The following CCDC171 variants were observed in gnomAD, a reference collection of about 807,000 sequenced individuals.
The protein encoded by CCDC171 is coiled-coil domain containing 171.
A neutral mutation model predicts 168.2 loss-of-function variants in CCDC171; 177 were observed. The observed-to-expected ratio is 1.05, with a 90% CI of 0.93 to 1.19. CCDC171 has a LOEUF of 1.19. Among genes scored for constraint, CCDC171 ranks in the 50% most tolerant of loss-of-function variants. The pLI is 0.00. For synonymous variants in CCDC171, 687 were observed against 540.8 expected (o/e 1.27, Z -3.75); for missense variants, 1,991 against 1,539.0 (o/e 1.29, Z -4.91).
At chr9:15,591,957 A>G (rs2042035838) in intron 5 of CCDC171, among the ~76,000 whole-genome samples, 1 of 152,164 alleles carries the variant, frequency 6.6e-6, no homozygotes, top group Admixed American at 6.5e-5. Context: ...TTCATTATCT[A>G]TGTAGAGCAT....
the CCDC171 span, among the ~76,000 whole-genome samples, chr9:16,094,682 A>G: frequency 1.3e-5 from 2 of 152,212 alleles, no homozygotes; most frequent in Non-Finnish European, 2.9e-5. Context: ...CAGGAGATGT[A>G]GTTTCAATCC....
chr9:15,944,840 CTT>C (rs1828139340), intron 25 of CCDC171, among the ~76,000 whole-genome samples: 1 of 143,222 alleles, frequency 7.0e-6, no homozygotes, highest in Non-Finnish European at 1.5e-5. Flanking sequence ...TTTCTTTTTT[CTT>C]TCTTTCTTTC....
chr9:15,888,182 G>A (rs1819685487), intron 24 of CCDC171: 1 of 152,142 alleles, frequency 6.6e-6, no homozygotes, highest in Admixed American at 6.5e-5. Context: ...ATAAGAGAAG[G>A]TAACACATTT....
At chr9:15,949,104 C>G (rs1465050286) in intron 25 of CCDC171, among the ~76,000 whole-genome samples, 1 of 151,990 alleles carries the variant, frequency 6.6e-6, no homozygotes, top group Non-Finnish European at 1.5e-5. Flanking sequence ...GCTTGTTTTT[C>G]TCAGGTTTGT....
At chr9:15,926,692 A>T (rs1026074318) in intron 25 of CCDC171, among the ~76,000 whole-genome samples, 8 of 151,620 alleles carry the variant, frequency 5.3e-5, no homozygotes, top group African/African-American at 1.9e-4. Context: ...AAATTCCCAC[A>T]TTGTAGTGTT....
chr9:15,620,541 G>A (rs1269007947), intron 6 of CCDC171, among the ~76,000 whole-genome samples: 5 of 152,196 alleles, frequency 3.3e-5, no homozygotes, highest in African/African-American at 1.2e-4. Context: ...AATGGGTGAG[G>A]AGTTGCTTCT....
intron 6 of CCDC171, among the ~76,000 whole-genome samples, chr9:16,024,856 G>A (rs148075242): frequency 6.6e-6 from 1 of 152,332 alleles, no homozygotes; most frequent in East Asian, 1.9e-4. Context: ...AGTATCCTGG[G>A]AAGCCCAGCC....
intron 7 of CCDC171, among the ~76,000 whole-genome samples, chr9:15,634,692 C>G (rs192839039): frequency 6.6e-6 from 1 of 152,132 alleles, no homozygotes; most frequent in Non-Finnish European, 1.5e-5. Context: ...TTGAAGTGTA[C>G]AATTCAGTGG....
chr9:16,003,419 A>G (rs1235487517), intron 3 of CCDC171, among the ~76,000 whole-genome samples: 4 of 152,188 alleles, frequency 2.6e-5, no homozygotes, highest in Non-Finnish European at 5.9e-5. Context: ...GGAAATTTGC[A>G]CTAAATTGAT....
intron 7 of CCDC171, among the ~76,000 whole-genome samples, chr9:15,632,822 A>C (rs147501980): frequency 3.4e-3 from 523 of 152,344 alleles, no homozygotes; most frequent in African/African-American, 0.011. Context: ...ACCAAAACAG[A>C]GATATAGATC....
At chr9:15,621,929 A>G (rs896074184) in intron 6 of CCDC171, among the ~76,000 whole-genome samples, 1 of 152,242 alleles carries the variant, frequency 6.6e-6, no homozygotes, top group African/African-American at 2.4e-5. Flanking sequence ...ATATATATAC[A>G]TCATTAAATA....
intron 1 of CCDC171, 77 bp from the exon 2 acceptor site, chr9:15,563,901 A>G: frequency 3.6e-6 from 2 of 549,270 alleles, no homozygotes; most frequent in Non-Finnish European, 6.4e-6. Flanking sequence ...ATCTTTCCAA[A>G]ATAAACCAAA....
At chr9:16,055,427 G>A (rs1833823588) in intron 1 of CCDC171, among the ~76,000 whole-genome samples, 1 of 152,136 alleles carries the variant, frequency 6.6e-6, no homozygotes, top group Non-Finnish European at 1.5e-5. Context: ...CTCATGTGAA[G>A]AGGAAGAGGA....
chr9:15,760,934 T>C (rs1362727973), intron 18 of CCDC171, among the ~76,000 whole-genome samples: 2 of 152,168 alleles, frequency 1.3e-5, no homozygotes, highest in African/African-American at 4.8e-5. Context: ...CAAGAGATCA[T>C]TTACCTCAAA....
the CCDC171 span, among the ~76,000 whole-genome samples, chr9:16,104,013 CCTTGG>C: frequency 6.6e-6 from 1 of 152,160 alleles, no homozygotes; most frequent in Admixed American, 6.5e-5. Flanking sequence ...AGGTTTCCTC[CCTTGG>C]CAGAGAGGCT....
At chr9:15,618,030 C>T (rs2044221809) in intron 6 of CCDC171, among the ~76,000 whole-genome samples, 1 of 152,148 alleles carries the variant, frequency 6.6e-6, no homozygotes, top group Non-Finnish European at 1.5e-5. Context: ...AGTGCGGGTG[C>T]GCTGTGCTGG....
intron 8 of CCDC171, among the ~76,000 whole-genome samples, chr9:15,664,815 C>G (rs1473215661): frequency 6.7e-6 from 1 of 149,736 alleles, no homozygotes; most frequent in South Asian, 2.2e-4. Context: ...TCTCCTGCCT[C>G]AGCCTCCCTA....
intron 18 of CCDC171, among the ~76,000 whole-genome samples, chr9:15,757,368 C>T (rs2056187289): frequency 6.6e-6 from 1 of 152,058 alleles, no homozygotes; most frequent in African/African-American, 2.4e-5. Context: ...CGGTGTTTTG[C>T]CCCTGCCCTA....
the CCDC171 span, among the ~76,000 whole-genome samples, chr9:16,103,416 G>C: frequency 2.0e-5 from 3 of 152,308 alleles, no homozygotes; most frequent in South Asian, 6.2e-4. Context: ...CCATCTGTAA[G>C]GGGGAAGACA....
Sources: gnomAD v4.1 joint callset for allele counts (sites outside exome capture counted in the v4.1 genomes callset) on GRCh38, gnomAD v4.1.1 for gene constraint, MANE v1.5 for transcripts, NCBI Gene and HGNC (gene_info 2026-07-23, HGNC 2026-07-21) for gene names.